PPP1R36: variants seen among roughly 807,000 people sequenced by gnomAD.
PPP1R36 encodes protein phosphatase 1 regulatory subunit 36.
PPP1R36 carries 47 observed loss-of-function variants against 53.4 expected under a neutral mutation model. That is an observed-to-expected ratio of 0.88 (90% CI 0.70 to 1.12). PPP1R36 has a LOEUF of 1.12. PPP1R36 is among the 50% of genes most tolerant of loss of function. The pLI, the probability that PPP1R36 is intolerant of heterozygous loss-of-function variation, is 0.00. For missense variants in PPP1R36, 456 were observed against 513.9 expected, an observed-to-expected ratio of 0.89 and a Z score of 1.09; for synonymous variants, 153 against 170.5, an observed-to-expected ratio of 0.90 and a Z score of 0.80.
chr14:64,584,964 A>G (rs2080419444), intron 8 of PPP1R36, among the ~76,000 whole-genome samples: 1 of 152,208 alleles, frequency 6.6e-6, no homozygotes, highest in South Asian at 2.1e-4. Context: ...GAAGACTTGC[A>G]CATGAAGAAA....
In PPP1R36 at chr14:64,564,914, G is replaced by A. The variant is rs538373807; in HGVS notation, c.269+77G>A. On this transcript the variant is annotated intron_variant, in intron 4 of 11. Transcript: ENST00000298705. ...AATGGCTTCAGCCTTTACAAACTAC[G>A]AAAATACCATTCCCATTATTCTAGG... is the stretch of plus-strand genomic sequence containing the variant. The A allele has an allele frequency of 2.9e-4, 265 of 904,834 alleles. 1 individual carries two copies. The African/African-American group carries it at 3.8e-3, about 13-fold the overall frequency. The allele number at this position is 904,834 out of a possible 1,614,324, so 56.1% of individuals were successfully genotyped here.
chr14:64,574,620 T>C (rs2080329108), intron 8 of PPP1R36, 31 bp downstream of exon 8: 1 of 1,593,114 alleles, frequency 6.3e-7, no homozygotes, highest in East Asian at 2.2e-5. Flanking sequence ...CATTAGATCA[T>C]CACTCCATCA....
intron 3 of PPP1R36, chr14:64,561,927 A>G (rs955072947): frequency 6.8e-6 from 3 of 438,450 alleles, no homozygotes; most frequent in African/African-American, 4.1e-5. Flanking sequence ...AGAACCATCA[A>G]AGAGGTCTAA....
At chr14:64,560,517 G>A (rs1002156260) in intron 3 of PPP1R36, among the ~76,000 whole-genome samples, 16 of 152,068 alleles carry the variant, frequency 1.1e-4, no homozygotes, top group African/African-American at 3.9e-4. Context: ...TGGAGGCAAG[G>A]AGATCAGTTA....
At chr14:64,578,099 ACT>A (rs1383999178) in intron 8 of PPP1R36, among the ~76,000 whole-genome samples, 2 of 148,322 alleles carry the variant, frequency 1.3e-5, no homozygotes, top group Non-Finnish European at 3.0e-5. Context: ...CCCACCACAA[ACT>A]CTGCTACCAC....
chr14:64,571,439 T>C (rs1008849361), intron 7 of PPP1R36, among the ~76,000 whole-genome samples: 1 of 152,184 alleles, frequency 6.6e-6, no homozygotes, highest in Non-Finnish European at 1.5e-5. Context: ...TATGTACTTT[T>C]AAACATAATA....
chr14:64,582,700 G>T (rs1190113720), intron 8 of PPP1R36, among the ~76,000 whole-genome samples: 3 of 152,032 alleles, frequency 2.0e-5, no homozygotes, highest in African/African-American at 4.8e-5. Flanking sequence ...TGGGGGTTTG[G>T]ATAAAATTTA....
intron 9 of PPP1R36, 58 bp from the exon 10 acceptor site, chr14:64,587,136 G>A: frequency 7.5e-7 from 1 of 1,341,756 alleles, no homozygotes; most frequent in Non-Finnish European, 1.0e-6. Context: ...ATACAGACAG[G>A]TAAGAGTTTT....
intron 8 of PPP1R36, among the ~76,000 whole-genome samples, chr14:64,576,646 C>A (rs185723677): frequency 6.6e-6 from 1 of 152,278 alleles, no homozygotes; most frequent in African/African-American, 2.4e-5. Flanking sequence ...TTCTCTTGCA[C>A]CCCTGTTTCT....
Position 64,587,284 on chromosome 14 carries a change from C to T in PPP1R36, c.802C>T (p.Arg268Cys), listed in dbSNP as rs765129993. 29 of 1,613,110 alleles carry T rather than the reference C, an allele frequency of 1.8e-5. No homozygotes were observed. Among genetic ancestry groups the T allele is most frequent in the South Asian group, 1.4e-4 (13 of 91,044 alleles). ...TGAAGAAGAAGTAGGGAGACTCTTTCGTACCAATATGTTCAACATTCCTCG... is the reference window on the plus strand; with the variant it reads ...TGAAGAAGAAGTAGGGAGACTCTTTTGTACCAATATGTTCAACATTCCTCG... ...EIEEEVGRLF[R>C]TNMFNIPRRR... Residue 268 changes from arginine (R) to cysteine (C), a missense_variant, in exon 10 of 12, where the codon CGT (arginine) becomes TGT (cysteine). Transcript: ENST00000298705.
chr14:64,580,804 C>A (rs2080382700), intron 8 of PPP1R36, among the ~76,000 whole-genome samples: 1 of 152,154 alleles, frequency 6.6e-6, no homozygotes, highest in Non-Finnish European at 1.5e-5. Context: ...AATGTTTTTG[C>A]CGGTTATAAG....
In PPP1R36 at chr14:64,552,808, T is replaced by G. The variant is rs761797867; in HGVS notation, c.135-6T>G. ...TCAAAGCAGTAATTTCAGTTTTCTT[T>G]CTCAGGTTTGCCGCAGAAGATTCTG... is the stretch of plus-strand genomic sequence containing the variant. On this transcript the variant is annotated splice_region_variant and splice_polypyrimidine_tract_variant and intron_variant, in intron 2 of 11. Coordinates refer to ENST00000298705, the MANE Select transcript of PPP1R36 (RefSeq NM_172365.3). 13 of 1,613,328 alleles carry G rather than the reference T, an allele frequency of 8.1e-6. No individual in the cohort carries two copies. Among genetic ancestry groups the G allele is most frequent in the Non-Finnish European group, 1.1e-5 (13 of 1,179,404 alleles).
chr14:64,567,651 C>A (rs1246006072), intron 6 of PPP1R36, among the ~76,000 whole-genome samples: 1 of 152,064 alleles, frequency 6.6e-6, no homozygotes, highest in African/African-American at 2.4e-5. Flanking sequence ...AGAAAGGATT[C>A]ATACCAAACT....
Position 64,581,988 on chromosome 14 carries a change from C to T in PPP1R36, c.669-4849C>T, listed in dbSNP as rs530048408. On this transcript the variant is annotated intron_variant, in intron 8 of 11. Coordinates refer to ENST00000298705, the MANE Select transcript of PPP1R36 (RefSeq NM_172365.3). The stretch of plus-strand genomic sequence containing the variant: ...TGGCCAATGCTGGCTCCACCCCCGC[C>T]TCTACGCTAGTATTTATACCTTCTT... Among the ~76,000 whole-genome samples the T allele has an allele frequency of 7.4e-4, 112 of 152,322 alleles. 2 individuals are homozygous for T. The South Asian group carries it at 0.022, about 29-fold the overall frequency.
chr14:64,585,070 C>T (rs1271263788), intron 8 of PPP1R36, among the ~76,000 whole-genome samples: 1 of 152,126 alleles, frequency 6.6e-6, no homozygotes, highest in Non-Finnish European at 1.5e-5. Flanking sequence ...TAGTTTGGGC[C>T]CATTCAGACC....
intron 7 of PPP1R36, among the ~76,000 whole-genome samples, chr14:64,571,896 T>G (rs2080306629): frequency 6.6e-6 from 1 of 152,066 alleles, no homozygotes; most frequent in South Asian, 2.1e-4. Flanking sequence ...AACTATCAGA[T>G]CTCATGAAAC....
In PPP1R36 at chr14:64,574,514, G is replaced by C; in HGVS notation, c.593G>C (p.Arg198Thr). The change falls in exon 8 of 12, where the codon AGG (arginine) becomes ACG (threonine). Residue 198 changes from arginine to threonine, a missense_variant. By Grantham distance (71) the Arg-to-Thr change is moderately conservative (BLOSUM62 -1). Transcript: ENST00000298705. ...LVLSELEAAQ[R>T]YLAQKYCILV... ...TTAAGTGAATTAGAAGCAGCACAGA[G>C]GTACTTGGCGCAGAAGTACTGTATC... 1 of 1,614,024 alleles carries C rather than the reference G, an allele frequency of 6.2e-7. No homozygotes were observed. Among genetic ancestry groups the C allele is most frequent in the Non-Finnish European group, 8.5e-7 (1 of 1,179,900 alleles).
intron 3 of PPP1R36, among the ~76,000 whole-genome samples, chr14:64,562,387 G>T (rs773581599): frequency 2.0e-5 from 3 of 152,092 alleles, no homozygotes; most frequent in Non-Finnish European, 4.4e-5. Flanking sequence ...CTTGAACCCG[G>T]GATGAAGAGG....
chr14:64,554,375 T>A (rs776875887), intron 3 of PPP1R36, among the ~76,000 whole-genome samples: 4 of 152,052 alleles, frequency 2.6e-5, no homozygotes, highest in Non-Finnish European at 5.9e-5. Flanking sequence ...GGTCTCTATC[T>A]CCCGACCTCA....
Sources: gnomAD v4.1 joint callset for allele counts (sites outside exome capture counted in the v4.1 genomes callset) on GRCh38, gnomAD v4.1.1 for gene constraint, MANE v1.5 for transcripts, NCBI Gene and HGNC (gene_info 2026-07-23, HGNC 2026-07-21) for gene names.